The following THOC2 variants were observed in gnomAD, a reference collection of about 807,000 sequenced individuals.
THOC2 encodes THO complex 2.
In THOC2, 10 loss-of-function variants were observed where a neutral mutation model predicts 128.4. The ratio of observed to expected loss-of-function variants is 0.08; its 90% confidence interval spans 0.05 to 0.13. The LOEUF is 0.13. THOC2 is among the 10% of genes least tolerant of loss of function. The pLI is 1.00. For missense variants in THOC2, 535 were observed against 1,155.7 expected (o/e 0.46, Z 7.79); for synonymous variants, 393 against 396.9 (o/e 0.99, Z 0.12).
chrX:123,667,879 A>T (rs993374542), intron 10 of THOC2, among the ~76,000 whole-genome samples: 1 of 111,394 alleles, frequency 9.0e-6, no homozygotes, highest in African/African-American at 3.3e-5. Context: ...TTAGGATTTG[A>T]GGGCCACTAA....
intron 1 of THOC2, among the ~76,000 whole-genome samples, chrX:123,726,664 T>C (rs1234381202): frequency 8.9e-6 from 1 of 112,353 alleles, no homozygotes. Flanking sequence ...TGTTGCAAAC[T>C]CCTACCTAGA....
At chrX:123,683,430 T>G (rs922290470) in intron 8 of THOC2, among the ~76,000 whole-genome samples, 1 of 110,981 alleles carries the variant, frequency 9.0e-6, no homozygotes, top group Non-Finnish European at 1.9e-5. Flanking sequence ...ATACACAGAT[T>G]GACCATATAT....
In THOC2 at chrX:123,680,156, C is replaced by G. The variant is rs755697018; in HGVS notation, c.768+6392G>C. On this transcript the variant is annotated intron_variant, in intron 8 of 38. Coordinates refer to ENST00000245838, the MANE Select transcript of THOC2 (RefSeq NM_001081550.2). ...TGCAGTTGAGACAAGAGGAAGGCAT[C>G]TGTCTCCTGCTCCTCCCTGGGCAAT... 2.7e-5 allele frequency among the ~76,000 whole-genome samples: 3 copies of G among 110,379 alleles called. No homozygotes were observed. In the South Asian group the frequency reaches 1.2e-3, roughly 45 times the overall value.
chrX:123,672,302 C>CT (rs1386246004), intron 8 of THOC2, among the ~76,000 whole-genome samples: 128 of 97,956 alleles, frequency 1.3e-3, no homozygotes, highest in South Asian at 1.4e-3. Context: ...CCACACCCAG[C>CT]TTTTTTTTTT....
At chrX:123,687,433 C>T (rs777080938) in intron 7 of THOC2, among the ~76,000 whole-genome samples, 1 of 111,701 alleles carries the variant, frequency 9.0e-6, no homozygotes, top group East Asian at 2.8e-4. Context: ...TAAACATAGT[C>T]CCTAAATGCA....
rs1306051138 is a variant in THOC2, at chrX:123,636,226, A to G, written c.1922-51T>C. 5 of 990,626 alleles carry G rather than the reference A, an allele frequency of 5.0e-6. No homozygotes were observed. In the South Asian group the frequency reaches 8.4e-5, roughly 17 times the overall value. The allele number at this position is 990,626 out of a possible 1,213,427, so 81.6% of individuals were successfully genotyped here. On this transcript the variant is annotated intron_variant, in intron 18 of 38. Transcript: ENST00000245838. ...AACAACTCATAAAACAAAATGCACA[A>G]GTATCATTTCAACTAAACCTCTAAA... is the stretch of plus-strand genomic sequence containing the variant.
intron 12 of THOC2, among the ~76,000 whole-genome samples, chrX:123,664,142 G>C (rs924316100): frequency 8.9e-6 from 1 of 112,025 alleles, no homozygotes; most frequent in Admixed American, 9.5e-5. Context: ...CCAGTAATGG[G>C]ATTGCTGGAT....
chrX:123,702,193 G>A (rs1291623841), intron 4 of THOC2, among the ~76,000 whole-genome samples: 1 of 111,192 alleles, frequency 9.0e-6, no homozygotes, highest in African/African-American at 3.3e-5. Context: ...CCAGCATTTT[G>A]GAAGGCCAAG....
intron 38 of THOC2, chrX:123,604,042 T>C (rs1203799185): frequency 8.9e-6 from 1 of 112,928 alleles, no homozygotes; most frequent in Non-Finnish European, 1.9e-5. Flanking sequence ...TTCTCCTAAG[T>C]GTTTTATTAA....
chrX:123,602,982 G>A (rs1288559614), intron 38 of THOC2: 3 of 108,344 alleles, frequency 2.8e-5, no homozygotes, highest in Non-Finnish European at 3.8e-5. Flanking sequence ...ACTCCAGCCT[G>A]GGAGACAACA....
chrX:123,686,859 G>C lies in THOC2; in HGVS notation c.602-145C>G, dbSNP rs746772011. 46 of 456,471 alleles carry C rather than the reference G, an allele frequency of 1.0e-4. 1 individual carries two copies. The African/African-American group carries it at 1.0e-3, about 10-fold the overall frequency. The allele number at this position is 456,471 out of a possible 1,213,427, so 37.6% of individuals were successfully genotyped here. ...TTACAAATTTGCTTCCTCTCTCCCAGAGGGAAATAAATCCACTACACATTT... is the reference window on the plus strand; with the variant it reads ...TTACAAATTTGCTTCCTCTCTCCCACAGGGAAATAAATCCACTACACATTT... On this transcript the variant is annotated intron_variant, in intron 7 of 38. Transcript: ENST00000245838.
intron 2 of THOC2, among the ~76,000 whole-genome samples, chrX:123,709,484 A>G (rs1409570871): frequency 2.7e-5 from 3 of 110,640 alleles, no homozygotes; most frequent in Non-Finnish European, 3.8e-5. Context: ...CCGGCTACTC[A>G]GGAGGTTGAG....
rs1304440218 is a variant in THOC2 at position 123,665,788 on chromosome X, T to A, written c.1240A>T (p.Asn414Tyr). Residue 414 changes from asparagine to tyrosine, a missense_variant, in exon 12 of 39, where the codon AAC becomes TAC. By Grantham distance (143) the Asn-to-Tyr change is moderately radical. This residue lies in a region of THOC2 where 197 missense variants were observed against 313.4 expected (regional missense o/e 0.63). Transcript: ENST00000245838. Reference sequence around the variant, plus strand: ...TCAGCTTGTTTTGGTGCTCTCTTGTTTTGCAAAGCATTAACAGGTGAGCCT... The same window carrying A: ...TCAGCTTGTTTTGGTGCTCTCTTGTATTGCAAAGCATTAACAGGTGAGCCT... Reference protein sequence around the residue: ...AKGSPVNALQNKRAPKQAESF... With the variant: ...AKGSPVNALQYKRAPKQAESF... 1.2e-5 allele frequency: 14 copies of A among 1,197,794 alleles called. No homozygotes were observed. Among genetic ancestry groups the A allele is most frequent in the Non-Finnish European group, 1.5e-5 (13 of 889,116 alleles).
intron 12 of THOC2, among the ~76,000 whole-genome samples, chrX:123,655,979 C>T (rs768614040): frequency 9.2e-6 from 1 of 109,135 alleles, no homozygotes; most frequent in East Asian, 2.9e-4. Flanking sequence ...GATTGCACCA[C>T]TGCACTCTAG....
intron 8 of THOC2, among the ~76,000 whole-genome samples, chrX:123,685,300 A>C (rs2049959930): frequency 8.9e-6 from 1 of 112,528 alleles, no homozygotes; most frequent in Admixed American, 9.5e-5. Context: ...GATACAGTTT[A>C]TTCTAAGATA....
chrX:123,640,308 T>C (rs1253740798), intron 16 of THOC2, among the ~76,000 whole-genome samples: 3 of 112,169 alleles, frequency 2.7e-5, no homozygotes, highest in Non-Finnish European at 3.8e-5. Flanking sequence ...AGATGTGGTA[T>C]ACAAAATAAC....
chrX:123,703,751 A>T (rs934001664), intron 3 of THOC2, among the ~76,000 whole-genome samples: 1 of 98,295 alleles, frequency 1.0e-5, no homozygotes, highest in Admixed American at 1.1e-4. Flanking sequence ...AAAAAAAAAA[A>T]ATTAGCCAGG....
At chrX:123,720,544 G>A (rs2051644545) in intron 1 of THOC2, among the ~76,000 whole-genome samples, 2 of 112,055 alleles carry the variant, frequency 1.8e-5, no homozygotes, top group African/African-American at 6.5e-5. Flanking sequence ...AAATGATCCA[G>A]CATTCCTACT....
intron 12 of THOC2, among the ~76,000 whole-genome samples, chrX:123,658,765 G>A (rs1418262594): frequency 8.9e-6 from 1 of 111,747 alleles, no homozygotes; most frequent in Non-Finnish European, 1.9e-5. Context: ...TACATTTGAT[G>A]AGATCCCTAG....
Sources: gnomAD v4.1 joint callset for allele counts (sites outside exome capture counted in the v4.1 genomes callset) on GRCh38, gnomAD v4.1.1 for gene constraint, gnomAD v4.1.1 regional missense constraint, MANE v1.5 for transcripts, NCBI Gene and HGNC (gene_info 2026-07-23, HGNC 2026-07-21) for gene names.